PRKCH: variants seen among roughly 807,000 people sequenced by gnomAD.
The protein encoded by PRKCH is protein kinase C eta type.
A neutral mutation model predicts 82.5 loss-of-function variants in PRKCH; 28 were observed. The ratio of observed to expected loss-of-function variants is 0.34; its 90% CI spans 0.25 to 0.47. The LOEUF is 0.47. Ranked by LOEUF, PRKCH falls within the 20% of genes least tolerant of loss-of-function variation. The pLI is 1.00. For synonymous variants in PRKCH, 322 were observed against 327.4 expected (o/e 0.98, Z 0.18); for missense variants, 705 against 881.8 (o/e 0.80, Z 2.54).
intron 2 of PRKCH, among the ~76,000 whole-genome samples, chr14:61,404,048 C>T (rs1054065223): frequency 6.6e-6 from 1 of 152,206 alleles, no homozygotes; most frequent in Non-Finnish European, 1.5e-5. Flanking sequence ...TTCCAGGCCA[C>T]TTGTGTTGGT....
At chr14:61,275,306 C>G (rs1445006908) in intron 1 of PRKCH, among the ~76,000 whole-genome samples, 1 of 152,190 alleles carries the variant, frequency 6.6e-6, no homozygotes, top group Non-Finnish European at 1.5e-5. Context: ...TGATGACTTT[C>G]TAACACCTCA....
chr14:61,513,997 A>C (rs1041225228), intron 10 of PRKCH, among the ~76,000 whole-genome samples: 1 of 152,110 alleles, frequency 6.6e-6, no homozygotes, highest in Non-Finnish European at 1.5e-5. Context: ...CCTGCTTTCT[A>C]ACTCGAGACA....
At chr14:61,528,966 G>GTGTGT in intron 10 of PRKCH, 109 bp from the exon 11 acceptor site, 2 of 1,076,254 alleles carry the variant, frequency 1.9e-6, no homozygotes, top group Non-Finnish European at 2.5e-6. Flanking sequence ...GGCCGCATGT[G>GTGTGT]GCCGCACGTG....
At chr14:61,216,956 C>A (rs2044620390) in intron 1 of PRKCH, among the ~76,000 whole-genome samples, 1 of 152,166 alleles carries the variant, frequency 6.6e-6, no homozygotes, top group Non-Finnish European at 1.5e-5. Flanking sequence ...CTTTCTGGAA[C>A]TCTTTCTGGA....
intron 10 of PRKCH, among the ~76,000 whole-genome samples, chr14:61,516,287 C>T (rs2042828480): frequency 6.6e-6 from 1 of 152,156 alleles, no homozygotes; most frequent in African/African-American, 2.4e-5. Flanking sequence ...AAGATTAGTC[C>T]AGCATTTAGG....
chr14:61,448,261 A>G (rs1884320864), intron 4 of PRKCH, among the ~76,000 whole-genome samples: 1 of 151,886 alleles, frequency 6.6e-6, no homozygotes, highest in African/African-American at 2.4e-5. Flanking sequence ...AACCTTCCAC[A>G]TGTCTTGAAA....
At chr14:61,414,586 TTC>T (rs1382294799) in intron 2 of PRKCH, among the ~76,000 whole-genome samples, 3 of 144,088 alleles carry the variant, frequency 2.1e-5, no homozygotes, top group Non-Finnish European at 3.0e-5. Context: ...GCTTCATTTA[TTC>T]TTTTTTTTTT....
intron 1 of PRKCH, among the ~76,000 whole-genome samples, chr14:61,265,595 C>A (rs2045092928): frequency 6.6e-6 from 1 of 152,226 alleles, no homozygotes; most frequent in Admixed American, 6.5e-5. Flanking sequence ...AGGATCACCA[C>A]CTCCCAAGCC....
intron 10 of PRKCH, among the ~76,000 whole-genome samples, chr14:61,516,268 TATTGGGTCAAG>T (rs1298817811): frequency 8.5e-5 from 13 of 152,152 alleles, no homozygotes; most frequent in Admixed American, 8.5e-4. Context: ...AAATAGCCAC[TATTGGGTCAAG>T]ATTAGTCCAG....
intron 2 of PRKCH, among the ~76,000 whole-genome samples, chr14:61,399,462 A>T (rs1036728862): frequency 2.0e-5 from 3 of 152,212 alleles, no homozygotes; most frequent in African/African-American, 7.2e-5. Flanking sequence ...TAAGTTAAAA[A>T]TTTTAAATGA....
chr14:61,545,848 C>A (rs1480801148), intron 12 of PRKCH, among the ~76,000 whole-genome samples: 1 of 152,166 alleles, frequency 6.6e-6, no homozygotes, highest in Non-Finnish European at 1.5e-5. Context: ...GAGGAATGGG[C>A]AAGCCTCTTG....
chr14:61,474,599 T>C (rs11849466), intron 9 of PRKCH, among the ~76,000 whole-genome samples: 5,244 of 152,212 alleles, frequency 0.034, 275 homozygotes, highest in African/African-American at 0.12. Flanking sequence ...GAGAAATACC[T>C]AATGTAAATG....
intron 1 of PRKCH, among the ~76,000 whole-genome samples, chr14:61,236,358 G>A (rs892301916): frequency 6.6e-6 from 1 of 152,202 alleles, no homozygotes; most frequent in Admixed American, 6.5e-5. Flanking sequence ...GGATGAGCTA[G>A]GAGGTCAGCA....
At chr14:61,253,977 TC>T (rs1165221284) in intron 1 of PRKCH, among the ~76,000 whole-genome samples, 3 of 74,144 alleles carry the variant, frequency 4.0e-5, no homozygotes, top group East Asian at 3.9e-4. Flanking sequence ...CCTCCCTCCC[TC>T]CTCCCTCCCT....
At chr14:61,337,280 A>G (rs1488752573) in intron 1 of PRKCH, among the ~76,000 whole-genome samples, 1 of 151,682 alleles carries the variant, frequency 6.6e-6, no homozygotes, top group Non-Finnish European at 1.5e-5. Context: ...AGTAACTGGG[A>G]CCATAGGCGT....
chr14:61,450,766 G>A, intron 5 of PRKCH, 76 bp from the exon 6 acceptor site: 1 of 1,525,338 alleles, frequency 6.6e-7, no homozygotes, highest in Non-Finnish European at 8.9e-7. Flanking sequence ...TGCATTTGAT[G>A]GGCTCCTATT....
chr14:61,430,601 G>T (rs1250057584), intron 2 of PRKCH, among the ~76,000 whole-genome samples: 2 of 152,192 alleles, frequency 1.3e-5, no homozygotes, highest in Non-Finnish European at 2.9e-5. Context: ...CGGGGCAGGA[G>T]AGGCCCCCCT....
chr14:61,450,285 T>G (rs1884443684), intron 5 of PRKCH, among the ~76,000 whole-genome samples: 1 of 152,194 alleles, frequency 6.6e-6, no homozygotes, highest in Non-Finnish European at 1.5e-5. Context: ...GAAACTGAGA[T>G]TTAACTCAGA....
intron 5 of PRKCH, among the ~76,000 whole-genome samples, chr14:61,450,370 A>G (rs1035889020): frequency 6.6e-6 from 1 of 152,234 alleles, no homozygotes; most frequent in Admixed American, 6.5e-5. Flanking sequence ...TCACTTTGGA[A>G]TAAATTCCTT....
Sources: gnomAD v4.1 joint callset for allele counts (sites outside exome capture counted in the v4.1 genomes callset) on GRCh38, gnomAD v4.1.1 for gene constraint, MANE v1.5 for transcripts, NCBI Gene and HGNC (gene_info 2026-07-23, HGNC 2026-07-21) for gene names.